Variants in FAM98B observed in about 807,000 individuals in gnomAD.
The protein encoded by FAM98B is tRNA splicing ligase complex subunit 3B.
A neutral mutation model predicts 43.9 loss-of-function variants in FAM98B; 32 were observed. The ratio of observed to expected loss-of-function variants is 0.73; its 90% CI spans 0.55 to 0.98. FAM98B has a LOEUF of 0.98. FAM98B is among the 50% of genes least tolerant of loss of function. The pLI, the probability that FAM98B is intolerant of heterozygous loss-of-function variation, is 0.00. For synonymous variants in FAM98B, 190 were observed against 174.0 expected, an observed-to-expected ratio of 1.09 and a Z score of -0.72; for missense variants, 514 against 522.9, an observed-to-expected ratio of 0.98 and a Z score of 0.17.
At chr15:38,466,800 A>T (rs1178342322) in intron 3 of FAM98B, among the ~76,000 whole-genome samples, 1 of 152,180 alleles carries the variant, frequency 6.6e-6, no homozygotes. Flanking sequence ...TAAAACATAA[A>T]GAAGAAAAGC....
At chr15:38,466,182 TTGTGTGTGTG>T (rs35919139) in intron 3 of FAM98B, among the ~76,000 whole-genome samples, 2,110 of 147,810 alleles carry the variant, frequency 0.014, 26 homozygotes, top group Non-Finnish European at 0.022. Flanking sequence ...GAGATGAAAT[TTGTGTGTGTG>T]TGTGTGTGTG....
At chr15:38,465,816 G>T (rs1295032791) in intron 3 of FAM98B, among the ~76,000 whole-genome samples, 1 of 151,892 alleles carries the variant, frequency 6.6e-6, no homozygotes, top group Non-Finnish European at 1.5e-5. Flanking sequence ...GGATACTAGG[G>T]ATATATGAGG....
chr15:38,479,995 C>T (rs1213033444), intron 6 of FAM98B, among the ~76,000 whole-genome samples: 4 of 151,812 alleles, frequency 2.6e-5, no homozygotes, highest in African/African-American at 9.7e-5. Flanking sequence ...CTCTTTTTAA[C>T]TTCTATTTAT....
At position 38,484,910 on chromosome 15, in the gene FAM98B, A is replaced by G; in HGVS notation, c.*251A>G. 2.4e-6 allele frequency: 1 copy of G among 424,744 alleles called. No homozygotes were observed. The highest frequency in any genetic ancestry group is 3.8e-6 in the Non-Finnish European group (1 of 260,274). The allele number at this position is 424,744 out of a possible 1,614,324, so 26.3% of individuals were successfully genotyped here. A position where few individuals can be genotyped will look rare whatever the true frequency, so the allele number is the denominator to read the frequency against. On this transcript the variant is annotated 3_prime_UTR_variant, in exon 8 of 8. Transcript: ENST00000397609. ...TGTGTCTTTTTAAAAAACAAAAAAA[A>G]GAACAAAAATTATTTTTTAAAATGT...
intron 6 of FAM98B, among the ~76,000 whole-genome samples, chr15:38,476,104 G>C (rs1004381231): frequency 2.6e-5 from 4 of 152,078 alleles, no homozygotes; most frequent in African/African-American, 7.2e-5. Flanking sequence ...GGTGATTTTT[G>C]TCAATCTCTT....
rs201831942 is a variant in FAM98B at position 38,484,605 on chromosome 15, A to AGGT, written c.1275_1277dup (p.Gly429dup). 2.9e-3 allele frequency: 3,064 copies of AGGT among 1,049,530 alleles called. 9 individuals are homozygous for AGGT. The East Asian group carries it at 0.045, about 15-fold the overall frequency. The allele number at this position is 1,049,530 out of a possible 1,614,324, so 65.0% of individuals were successfully genotyped here. On this transcript the variant is annotated inframe_insertion, in exon 8 of 8. Transcript: ENST00000397609. ...GAGGCTATGGAGATCCATATGGAGGAGGTGGTGGTGGTGGTGGTGGTGGTG... is the reference window on the plus strand; with the variant it reads ...GAGGCTATGGAGATCCATATGGAGGAGGTGGTGGTGGTGGTGGTGGTGGTGGTG...
At chr15:38,468,278 C>T (rs996527419) in intron 3 of FAM98B, among the ~76,000 whole-genome samples, 1 of 152,138 alleles carries the variant, frequency 6.6e-6, no homozygotes, top group African/African-American at 2.4e-5. Context: ...CTGTGTTGCC[C>T]AGGCTGGAGT....
chr15:38,473,424 C>A, intron 4 of FAM98B, 81 bp from the exon 5 acceptor site: 2 of 967,360 alleles, frequency 2.1e-6, no homozygotes, highest in Non-Finnish European at 3.1e-6. Context: ...CTGTAGTGTT[C>A]AGAGCGATAC....
At chr15:38,476,694 G>A (rs1458744346) in intron 6 of FAM98B, among the ~76,000 whole-genome samples, 2 of 142,512 alleles carry the variant, frequency 1.4e-5, no homozygotes, top group African/African-American at 5.1e-5. Context: ...ATTAAAGATA[G>A]AAACTTTGCT....
At chr15:38,455,772 C>T (rs1462683300) in intron 1 of FAM98B, among the ~76,000 whole-genome samples, 2 of 152,152 alleles carry the variant, frequency 1.3e-5, no homozygotes, top group Non-Finnish European at 2.9e-5. Context: ...TTCTTCATTT[C>T]TTGAACTTAT....
chr15:38,480,405 C>A (rs1197569428), intron 6 of FAM98B, among the ~76,000 whole-genome samples: 8 of 152,028 alleles, frequency 5.3e-5, no homozygotes, highest in Non-Finnish European at 1.0e-4. Flanking sequence ...TATACTATTT[C>A]ATCAATCTAT....
intron 3 of FAM98B, among the ~76,000 whole-genome samples, chr15:38,469,226 C>T (rs949223693): frequency 3.7e-5 from 4 of 107,686 alleles, no homozygotes; most frequent in Non-Finnish European, 6.3e-5. Flanking sequence ...TCTTACCTAC[C>T]GTAGTGAAGA....
intron 3 of FAM98B, among the ~76,000 whole-genome samples, chr15:38,467,893 C>T (rs1004820803): frequency 6.6e-6 from 1 of 152,222 alleles, no homozygotes; most frequent in African/African-American, 2.4e-5. Context: ...AATAAATATA[C>T]AGGACATGTA....
chr15:38,472,152 A>G (rs1434052278), intron 4 of FAM98B, among the ~76,000 whole-genome samples: 2 of 152,180 alleles, frequency 1.3e-5, no homozygotes. Flanking sequence ...CAGATTTATT[A>G]AAACTATTAC....
intron 5 of FAM98B, 23 bp from the exon 6 acceptor site, chr15:38,474,159 A>G (rs779209212): frequency 1.9e-6 from 3 of 1,539,494 alleles, no homozygotes; most frequent in South Asian, 1.1e-5. Flanking sequence ...AAAGTTTATT[A>G]TTTTTGTTTC....
rs1566898019 is a variant in FAM98B, at chr15:38,465,178, A to C, written c.218-91A>C. 3.1e-6 allele frequency: 4 copies of C among 1,279,864 alleles called. No homozygotes were observed. In the East Asian group the frequency reaches 1.0e-4, roughly 33 times the overall value. 79.3% of individuals were successfully genotyped at this position (1,279,864 alleles called of 1,614,324 possible). On this transcript the variant is annotated intron_variant, in intron 2 of 7. Transcript: ENST00000397609. ...GATTTAATGTGAAAATTTAGAATTG[A>C]ATGTAAAATGGAAATAAACGAGTAG...
rs140901788 is a variant in FAM98B at position 38,478,763 on chromosome 15, C to A, written c.730-2529C>A. Among the ~76,000 whole-genome samples, 571 of 152,194 alleles carry A rather than the reference C, an allele frequency of 3.8e-3. 1 individual carries two copies. The highest frequency in any genetic ancestry group is 0.02 in the Middle Eastern group (6 of 294). On this transcript the variant is annotated intron_variant, in intron 6 of 7. Transcript: ENST00000397609. ...AGTTGCCCTTCAAACAGATTATAGT[C>A]ATTTATTAGAAAGGTTATGTAGTTT...
intron 3 of FAM98B, among the ~76,000 whole-genome samples, chr15:38,469,956 C>G (rs1192401891): frequency 6.6e-6 from 1 of 152,022 alleles, no homozygotes; most frequent in East Asian, 1.9e-4. Context: ...GTGGCATTTA[C>G]AGTGTAAATG....
intron 1 of FAM98B, among the ~76,000 whole-genome samples, chr15:38,461,794 A>G (rs1205001549): frequency 3.3e-5 from 5 of 152,188 alleles, no homozygotes; most frequent in Admixed American, 6.5e-5. Context: ...CAGATGGTCA[A>G]AAATCCAAAA....
Sources: gnomAD v4.1 joint callset for allele counts (sites outside exome capture counted in the v4.1 genomes callset) on GRCh38, gnomAD v4.1.1 for gene constraint, MANE v1.5 for transcripts, NCBI Gene and HGNC (gene_info 2026-07-23, HGNC 2026-07-21) for gene names.